The following RAG1 variants were observed in gnomAD, a reference collection of about 807,000 sequenced individuals.
The protein encoded by RAG1 is V(D)J recombination-activating protein 1.
A neutral mutation model predicts 62.7 loss-of-function variants in RAG1; 35 were observed. The observed-to-expected ratio is 0.56, with a 90% CI of 0.43 to 0.74. The LOEUF (loss-of-function observed/expected upper bound fraction) is 0.74, where lower values mean the gene tolerates loss of function less well. RAG1 is among the 30% of genes least tolerant of loss of function. RAG1 has a pLI of 0.00. For synonymous variants in RAG1, 461 were observed against 470.3 expected, an observed-to-expected ratio of 0.98 and a Z score of 0.26; for missense variants, 1,169 against 1,278.6, an observed-to-expected ratio of 0.91 and a Z score of 1.31.
At chr11:36,519,764 G>T (rs1218604942) in intron 1 of RAG1, among the ~76,000 whole-genome samples, 2 of 152,096 alleles carry the variant, frequency 1.3e-5, no homozygotes, top group Non-Finnish European at 2.9e-5. Flanking sequence ...AGGATTCTAA[G>T]ATTGAGTATT....
Position 36,574,981 on chromosome 11 carries a change from G to T in RAG1, c.1677G>T (p.Arg559Ser), listed in dbSNP as rs199474681. The T allele has an allele frequency of 5.0e-6, 8 of 1,614,156 alleles. No individual in the cohort carries two copies. Among genetic ancestry groups the T allele is most frequent in the South Asian group, 2.2e-5 (2 of 91,080 alleles). The change falls in exon 2 of 2, where the codon AGG becomes AGT. Residue 559 changes from arginine to serine, a missense_variant. Transcript: ENST00000299440. Reference sequence around the variant, plus strand: ...ACCCAGTGGACACCATTGCAAAGAGGTTCCGCTATGATTCAGCTTTGGTGT... The same window carrying T: ...ACCCAGTGGACACCATTGCAAAGAGTTTCCGCTATGATTCAGCTTTGGTGT... ...DDYPVDTIAK[R>S]FRYDSALVSA...
At chr11:36,557,405 CG>C (rs1564983504) in intron 3 of RAG1, among the ~76,000 whole-genome samples, 1 of 138,258 alleles carries the variant, frequency 7.2e-6, no homozygotes, top group African/African-American at 3.0e-5. Context: ...TTCTTTGACT[CG>C]GAAAGGGAAC....
intron 1 of RAG1, among the ~76,000 whole-genome samples, chr11:36,571,339 G>T (rs1179869840): frequency 6.6e-6 from 1 of 152,158 alleles, no homozygotes. Flanking sequence ...CTAAAGGAAT[G>T]AGAAGGCATT....
At chr11:36,522,471 T>C (rs1203957595) in intron 2 of RAG1, among the ~76,000 whole-genome samples, 2 of 152,206 alleles carry the variant, frequency 1.3e-5, no homozygotes, top group Non-Finnish European at 2.9e-5. Flanking sequence ...TTCAGAAAGA[T>C]GTATGGAAAC....
At chr11:36,531,402 T>G (rs1860252841) in intron 2 of RAG1, among the ~76,000 whole-genome samples, 1 of 151,940 alleles carries the variant, frequency 6.6e-6, no homozygotes, top group Non-Finnish European at 1.5e-5. Flanking sequence ...TTTCTCTGTT[T>G]TCTTTTTTCT....
At chr11:36,561,624 C>T (rs1240870278) in intron 3 of RAG1, among the ~76,000 whole-genome samples, 1 of 151,998 alleles carries the variant, frequency 6.6e-6, no homozygotes, top group African/African-American at 2.4e-5. Context: ...ATGGAAGAAC[C>T]AAATAGAACA....
In RAG1 at chr11:36,575,811, T is replaced by G; in HGVS notation, c.2507T>G (p.Leu836Arg). The change falls in exon 2 of 2, where the codon CTG (leucine) becomes CGG (arginine). Residue 836 changes from leucine (L) to arginine (R), a missense_variant. Coordinates refer to ENST00000299440, the MANE Select transcript of RAG1 (RefSeq NM_000448.3). This position sits in a 1 kb window ranked among gnomAD's most constrained non-coding sequence, Gnocchi z 4.1. The stretch of plus-strand genomic sequence containing the variant: ...GAAAGGAAAAGGTGGCAGGCCACAC[T>G]GGACAAGCATCTCCGGAAGAAGATG... ...KEERKRWQATLDKHLRKKMNL... is the reference protein window; with the variant it reads ...KEERKRWQATRDKHLRKKMNL... The G allele has an allele frequency of 6.2e-7, 1 of 1,614,216 alleles. No individual in the cohort carries two copies. The highest frequency in any genetic ancestry group is 8.5e-7 in the Non-Finnish European group (1 of 1,180,046).
At chr11:36,523,803 G>C (rs1409216310) in intron 2 of RAG1, among the ~76,000 whole-genome samples, 2 of 152,052 alleles carry the variant, frequency 1.3e-5, no homozygotes, top group African/African-American at 4.8e-5. Flanking sequence ...TAAGATATAA[G>C]AAATTCCATT....
chr11:36,551,531 T>A (rs1031880535), intron 3 of RAG1, among the ~76,000 whole-genome samples: 3 of 152,050 alleles, frequency 2.0e-5, no homozygotes, highest in African/African-American at 7.2e-5. Context: ...TGTTCTAATC[T>A]CTTTTTCTAA....
downstream of RAG1, among the ~76,000 whole-genome samples, chr11:36,537,092 C>T (rs190778122): frequency 1.0e-3 from 153 of 151,858 alleles, 1 homozygote; most frequent in African/African-American, 3.4e-3. Context: ...CAAACAACAA[C>T]AATAAAACAA....
chr11:36,573,246 G>T, intron 1 of RAG1, 45 bp from the exon 2 acceptor site: 2 of 1,570,028 alleles, frequency 1.3e-6, no homozygotes, highest in East Asian at 2.2e-5. Flanking sequence ...ACATCAGTGG[G>T]ATATTGATAT....
intron 3 of RAG1, among the ~76,000 whole-genome samples, chr11:36,546,346 T>C (rs1222467561): frequency 6.6e-6 from 1 of 152,156 alleles, no homozygotes; most frequent in Non-Finnish European, 1.5e-5. Flanking sequence ...TTCTTTGTAT[T>C]TTTTGATCTT....
intron 1 of RAG1, among the ~76,000 whole-genome samples, chr11:36,519,347 C>T (rs1191441959): frequency 1.3e-5 from 2 of 152,168 alleles, no homozygotes; most frequent in Non-Finnish European, 2.9e-5. Context: ...GACATTGGAA[C>T]ACAGTTGGAA....
intron 1 of RAG1, among the ~76,000 whole-genome samples, chr11:36,517,504 G>C (rs1028124827): frequency 6.6e-6 from 1 of 152,072 alleles, no homozygotes; most frequent in Non-Finnish European, 1.5e-5. Context: ...TACTATCAAA[G>C]GAAATGGAAG....
chr11:36,511,710 C>G (rs1296922980), intron 1 of RAG1, among the ~76,000 whole-genome samples: 3 of 152,128 alleles, frequency 2.0e-5, no homozygotes, highest in Non-Finnish European at 4.4e-5. Context: ...AAAACATTGC[C>G]AGCCTTTGTG....
intron 1 of RAG1, among the ~76,000 whole-genome samples, chr11:36,515,233 AC>A (rs1374141782): frequency 2.0e-5 from 3 of 152,214 alleles, no homozygotes; most frequent in African/African-American, 7.2e-5. Flanking sequence ...AGATACGCTA[AC>A]CTTTTATGAA....
chr11:36,574,958 C>G lies in RAG1; in HGVS notation c.1654C>G (p.Pro552Ala), dbSNP rs759047894. Residue 552 changes from proline (P) to alanine (A), a missense_variant, in exon 2 of 2, where the codon CCA (proline) becomes GCA (alanine). Coordinates refer to ENST00000299440, the MANE Select transcript of RAG1 (RefSeq NM_000448.3). ...ACTATCATCCTCTGTGGATGATTAC[C>G]CAGTGGACACCATTGCAAAGAGGTT... Reference protein sequence around the residue: ...SGLSSSVDDYPVDTIAKRFRY... With the variant: ...SGLSSSVDDYAVDTIAKRFRY... The G allele has an allele frequency of 3.1e-6, 5 of 1,614,124 alleles. No individual in the cohort carries two copies. In the South Asian group the frequency reaches 4.4e-5, roughly 14 times the overall value.
At chr11:36,551,127 A>G (rs1850475604) in intron 3 of RAG1, among the ~76,000 whole-genome samples, 1 of 152,162 alleles carries the variant, frequency 6.6e-6, no homozygotes, top group South Asian at 2.1e-4. Context: ...GTCAAAGCAA[A>G]AGGATTTAGT....
rs1257669465 is a variant in RAG1 at position 36,573,967 on chromosome 11, C to T, written c.663C>T (p.Leu221=). Residue 221 remains leucine, a synonymous_variant, in exon 2 of 2, where the codon CTC becomes CTT. Transcript: ENST00000299440. ...TCTGCAACACTGCCCGTCGGGGACT[C>T]AAGAGGAAGAGTCTTCAGCCAAACT... The part of the protein sequence containing the change: ...CDICNTARRG[L]KRKSLQPNLQ... 11 of 1,614,066 alleles carry T rather than the reference C, an allele frequency of 6.8e-6. No homozygotes were observed. Among genetic ancestry groups the T allele is most frequent in the Non-Finnish European group, 9.3e-6 (11 of 1,180,028 alleles).
Sources: allele counts gnomAD v4.1 joint callset (sites outside exome capture counted in the v4.1 genomes callset), GRCh38; gene constraint gnomAD v4.1.1; non-coding constraint Gnocchi (gnomAD v3.1); transcripts MANE v1.5; gene names NCBI Gene and HGNC (gene_info 2026-07-23, HGNC 2026-07-21).